SV2C: variants seen among roughly 807,000 people sequenced by gnomAD.
The protein encoded by SV2C is synaptic vesicle glycoprotein 2C, also known as solute carrier family 22 member B3.
A neutral mutation model predicts 79.7 loss-of-function variants in SV2C; 49 were observed. The observed-to-expected ratio is 0.61, with a 90% CI of 0.49 to 0.78. The LOEUF (loss-of-function observed/expected upper bound fraction) is 0.78, where lower values mean the gene tolerates loss of function less well. Ranked by LOEUF, SV2C falls within the 30% of genes least tolerant of loss-of-function variation. The pLI, the probability that SV2C is intolerant of heterozygous loss-of-function variation, is 0.00. For synonymous variants in SV2C, 334 were observed against 333.2 expected (o/e 1.00, Z -0.03); for missense variants, 833 against 912.9 (o/e 0.91, Z 1.13).
the SV2C span, among the ~76,000 whole-genome samples, chr5:76,037,099 C>T: frequency 6.6e-6 from 1 of 152,170 alleles, no homozygotes; most frequent in African/African-American, 2.4e-5. Context: ...GCTCCATCAG[C>T]TCCTTTAAGC....
chr5:76,138,103 C>T (rs1749127577), intron 2 of SV2C, among the ~76,000 whole-genome samples: 1 of 152,162 alleles, frequency 6.6e-6, no homozygotes, highest in Admixed American at 6.6e-5. Flanking sequence ...AGGTTTGGCT[C>T]CTATTACCAG....
chr5:76,151,920 G>A (rs1031011037), intron 2 of SV2C, among the ~76,000 whole-genome samples: 1 of 152,186 alleles, frequency 6.6e-6, no homozygotes, highest in Non-Finnish European at 1.5e-5. Flanking sequence ...GGGGAAGCTA[G>A]CCCTAGAGAT....
chr5:76,278,352 A>G (rs970543580), intron 4 of SV2C, among the ~76,000 whole-genome samples: 1 of 152,184 alleles, frequency 6.6e-6, no homozygotes, highest in Admixed American at 6.5e-5. Context: ...AGCTGTCAAG[A>G]CAATAAAACA....
intron 12 of SV2C, among the ~76,000 whole-genome samples, chr5:76,314,025 C>T (rs1029388675): frequency 5.3e-5 from 8 of 152,116 alleles, no homozygotes; most frequent in African/African-American, 1.9e-4. Context: ...TACTGAAGTA[C>T]TTAAAGGAAA....
At chr5:75,957,809 C>G in the SV2C span, among the ~76,000 whole-genome samples, 2 of 152,112 alleles carry the variant, frequency 1.3e-5, no homozygotes, top group Non-Finnish European at 2.9e-5. Flanking sequence ...ATGGGGCATG[C>G]CCAGCCATCT....
chr5:76,089,811 T>A (rs1298105284), intron 1 of SV2C, among the ~76,000 whole-genome samples: 1 of 152,200 alleles, frequency 6.6e-6, no homozygotes, highest in African/African-American at 2.4e-5. Context: ...ATGAACAAGT[T>A]TCTTAACCTC....
At chr5:75,946,856 C>T in the SV2C span, among the ~76,000 whole-genome samples, 1 of 152,062 alleles carries the variant, frequency 6.6e-6, no homozygotes, top group African/African-American at 2.4e-5. Context: ...TGACTCTATC[C>T]ATTCATGAGA....
At chr5:76,312,854 A>G (rs1185922357) in intron 12 of SV2C, among the ~76,000 whole-genome samples, 3 of 152,244 alleles carry the variant, frequency 2.0e-5, no homozygotes, top group African/African-American at 7.2e-5. Flanking sequence ...AGCTGCTGCC[A>G]TCACCCAGTG....
the SV2C span, among the ~76,000 whole-genome samples, chr5:75,888,424 T>A: frequency 6.6e-6 from 1 of 151,972 alleles, no homozygotes; most frequent in South Asian, 2.1e-4. Flanking sequence ...CCAACCTCAT[T>A]TCACGTCACT....
At chr5:76,351,215 G>A (rs1364684181) in intron 12 of SV2C, among the ~76,000 whole-genome samples, 1 of 152,152 alleles carries the variant, frequency 6.6e-6, no homozygotes, top group Non-Finnish European at 1.5e-5. Context: ...TTAAGCTGAG[G>A]TAGAAGAGTC....
intron 12 of SV2C, among the ~76,000 whole-genome samples, chr5:76,351,154 G>A (rs934689541): frequency 2.0e-5 from 3 of 152,160 alleles, no homozygotes; most frequent in Non-Finnish European, 2.9e-5. Flanking sequence ...GAATAACAAC[G>A]ATATATCTTA....
intron 2 of SV2C, chr5:76,173,849 A>G (rs1250307904): frequency 1.9e-6 from 3 of 1,598,324 alleles, no homozygotes; most frequent in African/African-American, 1.3e-5. Context: ...ACCAACAAGA[A>G]TCATTGGAAC....
intron 2 of SV2C, among the ~76,000 whole-genome samples, chr5:76,133,665 A>G (rs1230968657): frequency 1.3e-5 from 2 of 152,090 alleles, no homozygotes; most frequent in African/African-American, 2.4e-5. Context: ...TTGCTGGTAC[A>G]CTCATTTGTG....
the SV2C span, among the ~76,000 whole-genome samples, chr5:75,915,817 G>A: frequency 3.9e-5 from 6 of 152,180 alleles, no homozygotes; most frequent in African/African-American, 1.2e-4. Flanking sequence ...GATGCTTAAC[G>A]AAAGGCTTAG....
chr5:76,325,291 G>A, intron 12 of SV2C, 73 bp from the exon 13 acceptor site: 1 of 1,454,544 alleles, frequency 6.9e-7, no homozygotes, highest in Non-Finnish European at 9.5e-7. Flanking sequence ...TGAAAATCTA[G>A]GATCTTTTGG....
At chr5:76,110,000 A>G (rs1681620683) in intron 1 of SV2C, among the ~76,000 whole-genome samples, 1 of 152,222 alleles carries the variant, frequency 6.6e-6, no homozygotes, top group South Asian at 2.1e-4. Flanking sequence ...AATAACAATT[A>G]GTGGTTACAT....
At chr5:75,978,409 C>T in the SV2C span, among the ~76,000 whole-genome samples, 13 of 152,258 alleles carry the variant, frequency 8.5e-5, no homozygotes, top group African/African-American at 2.6e-4. Context: ...CAAATAGTCA[C>T]GTGTCCTCAA....
the SV2C span, chr5:75,921,636 T>A: frequency 1.3e-5 from 11 of 845,578 alleles, no homozygotes; most frequent in Middle Eastern, 3.5e-4. Context: ...ATGTTTTTCC[T>A]GTCCCACTGG....
the SV2C span, chr5:75,921,033 C>G: frequency 1.4e-6 from 1 of 726,736 alleles, no homozygotes. Context: ...CTAATCACCA[C>G]CCACCTGATG....
Sources: gnomAD v4.1 joint callset for allele counts (sites outside exome capture counted in the v4.1 genomes callset) on GRCh38, gnomAD v4.1.1 for gene constraint, MANE v1.5 for transcripts, NCBI Gene and HGNC (gene_info 2026-07-23, HGNC 2026-07-21) for gene names.